Variants in MYO16 observed in about 807,000 individuals in gnomAD.
MYO16 encodes the protein unconventional myosin-XVI.
In MYO16, 94 loss-of-function variants were observed where a neutral mutation model predicts 205.3. That is an observed-to-expected ratio of 0.46 (90% confidence interval 0.39 to 0.54). MYO16 has a LOEUF of 0.54. Among genes scored for constraint, MYO16 ranks in the 20% least tolerant of loss-of-function variants. The pLI is 0.00. For missense variants in MYO16, 2,315 were observed against 2,387.5 expected (o/e 0.97, Z 0.63); for synonymous variants, 988 against 954.0 (o/e 1.04, Z -0.66).
At chr13:108,920,218 C>G (rs1881677410) in intron 16 of MYO16, among the ~76,000 whole-genome samples, 2 of 152,160 alleles carry the variant, frequency 1.3e-5, no homozygotes, top group South Asian at 2.1e-4. Context: ...GCTTCTGTGT[C>G]TGGACAAGGA....
chr13:108,746,065 C>T lies in MYO16; in HGVS notation c.507+18482C>T, dbSNP rs964628600. Among the ~76,000 whole-genome samples, 25 of 151,242 alleles carry T rather than the reference C, an allele frequency of 1.7e-4. No individual in the cohort carries two copies. The East Asian group carries it at 2.5e-3, about 15-fold the overall frequency. ...AAAATTAGCCAGGAGTGGTGGCAGG[C>T]GCCTGTAGTCCCAGCTACTCGGGAG... On this transcript the variant is annotated intron_variant, in intron 4 of 34. Transcript: ENST00000457511.
In MYO16 at chr13:108,633,770, C is replaced by T. The variant is rs190842669; in HGVS notation, c.28+3898C>T. Among the ~76,000 whole-genome samples the T allele has an allele frequency of 3.9e-5, 6 of 152,302 alleles. No individual in the cohort carries two copies. In the East Asian group the frequency reaches 1.2e-3, roughly 29 times the overall value. ...TCAAGCCACTCATGCTGATGAACAC[C>T]ACCTCCAGTAAAATGCTTTCCTCAC... On this transcript the variant is annotated intron_variant, in intron 1 of 34. Transcript: ENST00000457511.
chr13:108,559,676 C>T, the MYO16 span, among the ~76,000 whole-genome samples: 9 of 151,420 alleles, frequency 5.9e-5, no homozygotes, highest in Non-Finnish European at 1.0e-4. Context: ...GGTTTCACGT[C>T]AGCCCGGATG....
intron 5 of MYO16, 127 bp downstream of exon 5, chr13:108,785,870 G>A: frequency 1.6e-6 from 1 of 618,540 alleles, no homozygotes; most frequent in South Asian, 2.2e-5. Context: ...GTAGAAGATG[G>A]TATTTTTTCC....
At chr13:108,961,752 C>A in intron 18 of MYO16, 96 bp downstream of exon 18, 1 of 941,300 alleles carries the variant, frequency 1.1e-6, no homozygotes, top group Non-Finnish European at 1.7e-6. Flanking sequence ...AGCCAGTTGG[C>A]TTAAACCCTT....
At chr13:108,847,751 G>A (rs895458072) in intron 10 of MYO16, among the ~76,000 whole-genome samples, 8 of 151,906 alleles carry the variant, frequency 5.3e-5, no homozygotes, top group African/African-American at 1.9e-4. Flanking sequence ...AACACAGAAT[G>A]TTTCTTAAAT....
chr13:109,144,874 G>A (rs1877257775), intron 32 of MYO16, among the ~76,000 whole-genome samples: 2 of 152,192 alleles, frequency 1.3e-5, no homozygotes, highest in Admixed American at 1.3e-4. Context: ...TGTACAGTGA[G>A]TTGTGTATAG....
At chr13:108,528,598 C>T in the MYO16 span, among the ~76,000 whole-genome samples, 2 of 9,340 alleles carry the variant, frequency 2.1e-4, no homozygotes, top group Non-Finnish European at 4.4e-4. Context: ...CCCCTCCTCT[C>T]CCCTCTCCTC....
intron 1 of MYO16, among the ~76,000 whole-genome samples, chr13:108,647,667 T>C (rs975698354): frequency 6.6e-6 from 1 of 152,212 alleles, no homozygotes; most frequent in Non-Finnish European, 1.5e-5. Context: ...AGGCACAGAA[T>C]CTCTAAGTAC....
chr13:108,917,661 A>G (rs906908951), intron 16 of MYO16, among the ~76,000 whole-genome samples: 11 of 152,356 alleles, frequency 7.2e-5, no homozygotes, highest in African/African-American at 2.6e-4. Flanking sequence ...TATGAGGTTA[A>G]GACAGCAGCA....
At chr13:108,894,764 G>A (rs1438376218) in intron 14 of MYO16, among the ~76,000 whole-genome samples, 2 of 152,156 alleles carry the variant, frequency 1.3e-5, no homozygotes, top group Non-Finnish European at 2.9e-5. Context: ...ATGGACGGAT[G>A]GAACCCGATC....
rs1406677239 is a variant in MYO16, at chr13:108,972,351, C to CATCTATATATATATATATATATAT, written c.2369+7451_2369+7452insCTATATATATATATATATATATAT. Among the ~76,000 whole-genome samples the CATCTATATATATATATATATATAT allele has an allele frequency of 5.2e-4, 9 of 17,446 alleles. 3 individuals are homozygous for CATCTATATATATATATATATATAT. Among genetic ancestry groups the CATCTATATATATATATATATATAT allele is most frequent in the African/African-American group, 8.0e-4 (5 of 6,264 alleles). The allele number at this position is 17,446 out of a possible 152,430, so 11.4% of individuals were successfully genotyped here. On this transcript the variant is annotated intron_variant, in intron 20 of 34. Coordinates refer to ENST00000457511, the MANE Select transcript of MYO16 (RefSeq NM_001198950.3). ...CCATCTATATATATATATATATAGC[C>CATCTATATATATATATATATATAT]ATATATATATATATATATATATATA...
In MYO16 at chr13:108,806,702, C is replaced by A; in HGVS notation, c.765C>A (p.Gly255=). Residue 255 remains glycine (G), a synonymous_variant, in exon 7 of 35, where the codon GGC becomes GGA. Coordinates refer to ENST00000457511, the MANE Select transcript of MYO16 (RefSeq NM_001198950.3). ...VTLLHMACAS[G]YKEVVSLILE... ...AGTTACACATGGCGTGTGCGAGTGG[C>A]TACAAGGAGGTGGTGTCTCTTATCC... is the stretch of plus-strand genomic sequence containing the variant. The A allele has an allele frequency of 6.2e-7, 1 of 1,613,166 alleles. No homozygotes were observed. The highest frequency in any genetic ancestry group is 8.5e-7 in the Non-Finnish European group (1 of 1,179,308).
chr13:109,073,189 C>T (rs1887980567), intron 27 of MYO16, among the ~76,000 whole-genome samples: 1 of 151,778 alleles, frequency 6.6e-6, no homozygotes, highest in Non-Finnish European at 1.5e-5. Flanking sequence ...GGAACCTCCT[C>T]CTCCTGGGTT....
At chr13:109,072,963 C>T (rs1253699276) in intron 27 of MYO16, among the ~76,000 whole-genome samples, 1 of 152,176 alleles carries the variant, frequency 6.6e-6, no homozygotes, top group African/African-American at 2.4e-5. Flanking sequence ...TTCTTAACTA[C>T]AACAGCTAAT....
At position 108,785,692 on chromosome 13, in the gene MYO16, G is replaced by A. The variant is rs780765059; in HGVS notation, c.565G>A (p.Val189Ile). 2 of 1,613,678 alleles carry A rather than the reference G, an allele frequency of 1.2e-6. No individual in the cohort carries two copies. Among genetic ancestry groups the A allele is most frequent in the Admixed American group, 1.7e-5 (1 of 59,974 alleles). Residue 189 changes from valine to isoleucine, a missense_variant, in exon 5 of 35, where the codon GTA (valine) becomes ATA (isoleucine). By Grantham distance (29) the Val-to-Ile change is conservative. Transcript: ENST00000457511. ...TGGAAATATCCCATTAGATTATGCT[G>A]TAGAAGGGACAGAATCCAGCTCTAT... ...VNGNIPLDYA[V>I]EGTESSSILL...
the MYO16 span, among the ~76,000 whole-genome samples, chr13:108,539,511 G>C: frequency 6.6e-6 from 1 of 152,096 alleles, no homozygotes; most frequent in African/African-American, 2.4e-5. Context: ...GTGAATTGAT[G>C]ATGAACCTCC....
At chr13:108,955,107 C>G (rs1399533300) in intron 16 of MYO16, among the ~76,000 whole-genome samples, 2 of 152,180 alleles carry the variant, frequency 1.3e-5, no homozygotes, top group Non-Finnish European at 2.9e-5. Flanking sequence ...AAAACCAAAG[C>G]CACAACCATT....
chr13:108,715,088 A>G (rs1426017127), intron 3 of MYO16, among the ~76,000 whole-genome samples: 2 of 152,156 alleles, frequency 1.3e-5, no homozygotes, highest in African/African-American at 4.8e-5. Flanking sequence ...TGGCCACACC[A>G]TGATCTGTCT....
Sources: allele counts gnomAD v4.1 joint callset (sites outside exome capture counted in the v4.1 genomes callset), GRCh38; gene constraint gnomAD v4.1.1; transcripts MANE v1.5; gene names NCBI Gene and HGNC (gene_info 2026-07-23, HGNC 2026-07-21).